The following CNBD2 variants were observed in gnomAD, a reference collection of about 807,000 sequenced individuals.
CNBD2 encodes cyclic nucleotide binding domain containing 2.
Under a neutral mutation model 63.7 loss-of-function variants are expected in CNBD2, and 64 were observed. That is an observed-to-expected ratio of 1.00 (90% confidence interval 0.82 to 1.24). The LOEUF (loss-of-function observed/expected upper bound fraction) is 1.24. Among genes scored for constraint, CNBD2 ranks in the 50% most tolerant of loss-of-function variants. CNBD2 has a pLI of 0.00. For synonymous variants in CNBD2, 229 were observed against 255.4 expected (o/e 0.90, Z 0.99); for missense variants, 691 against 713.5 (o/e 0.97, Z 0.36).
At chr20:36,019,336 G>C in intron 10 of CNBD2, among the ~76,000 whole-genome samples, 1 of 151,744 alleles carries the variant, frequency 6.6e-6, no homozygotes, top group African/African-American at 2.4e-5. Flanking sequence ...ACCAGCCTGG[G>C]CAACATGATG....
chr20:36,015,156 A>G (rs374650943), intron 10 of CNBD2, among the ~76,000 whole-genome samples: 1 of 152,042 alleles, frequency 6.6e-6, no homozygotes, highest in Non-Finnish European at 1.5e-5. Context: ...GGTCATTTGT[A>G]TGTCTTCCTT....
chr20:36,013,171 C>A (rs887763783), intron 10 of CNBD2, among the ~76,000 whole-genome samples: 2 of 152,138 alleles, frequency 1.3e-5, no homozygotes, highest in African/African-American at 4.8e-5. Flanking sequence ...GTAATCCCAG[C>A]ACTTTGGGAG....
chr20:36,024,975 TAGC>T (rs1396055246), intron 11 of CNBD2, among the ~76,000 whole-genome samples: 1 of 152,160 alleles, frequency 6.6e-6, no homozygotes, highest in Non-Finnish European at 1.5e-5. Flanking sequence ...AAGATGTTCA[TAGC>T]AGCCATATTC....
At chr20:35,978,511 AT>A (rs577928156) in intron 3 of CNBD2, among the ~76,000 whole-genome samples, 1 of 151,954 alleles carries the variant, frequency 6.6e-6, no homozygotes, top group Non-Finnish European at 1.5e-5. Context: ...CGCCCTGCTA[AT>A]TTTTTGTATT....
At chr20:36,001,680 C>T (rs1192656446) in intron 8 of CNBD2, among the ~76,000 whole-genome samples, 17 of 139,746 alleles carry the variant, frequency 1.2e-4, no homozygotes, top group African/African-American at 2.7e-4. Flanking sequence ...ACTTCTCAGA[C>T]GGGGCGGCCG....
chr20:35,997,951 C>T lies in CNBD2; in HGVS notation c.970+2799C>T, dbSNP rs137956087. 4.1e-3 allele frequency among the ~76,000 whole-genome samples: 618 copies of T among 152,102 alleles called. 8 individuals are homozygous for T. The highest frequency in any genetic ancestry group is 0.014 in the African/African-American group (594 of 41,470). Reference sequence around the variant, plus strand: ...ATTTCTCTTTTGATTTCTTCTTTGACCCATGGAATATTTAGAAGAGTGTTT... The same window carrying T: ...ATTTCTCTTTTGATTTCTTCTTTGATCCATGGAATATTTAGAAGAGTGTTT... On this transcript the variant is annotated intron_variant, in intron 8 of 11. Coordinates refer to ENST00000373973, the MANE Select transcript of CNBD2 (RefSeq NM_001365709.1).
chr20:35,980,649 A>G (rs2056585756), intron 4 of CNBD2, 27 bp downstream of exon 4: 2 of 1,610,374 alleles, frequency 1.2e-6, no homozygotes, highest in Non-Finnish European at 1.7e-6. Flanking sequence ...GCCCTTGGCC[A>G]CCAGGCTGAG....
chr20:35,995,218 A>G (rs551221898), intron 8 of CNBD2, 66 bp downstream of exon 8: 2 of 1,063,970 alleles, frequency 1.9e-6, no homozygotes, highest in East Asian at 2.4e-5. Context: ...AGTTCCCAGC[A>G]CATAGAGCCT....
chr20:35,975,387 G>A (rs1214380049), intron 2 of CNBD2, among the ~76,000 whole-genome samples: 7 of 109,998 alleles, frequency 6.4e-5, no homozygotes, highest in African/African-American at 1.1e-4. Context: ...TGCAAGCTCC[G>A]CCTCCCGGGT....
chr20:36,012,913 A>T (rs981221584), intron 10 of CNBD2, among the ~76,000 whole-genome samples: 8 of 152,180 alleles, frequency 5.3e-5, no homozygotes, highest in African/African-American at 1.9e-4. Context: ...ACATTCTGGA[A>T]AAGAAAAACA....
At chr20:36,024,763 A>G (rs2057263454) in intron 11 of CNBD2, among the ~76,000 whole-genome samples, 1 of 152,088 alleles carries the variant, frequency 6.6e-6, no homozygotes, top group African/African-American at 2.4e-5. Context: ...CCCTGTCTCT[A>G]GTAAACATAG....
chr20:35,994,643 C>T (rs186268286), intron 7 of CNBD2, among the ~76,000 whole-genome samples: 179 of 148,588 alleles, frequency 1.2e-3, no homozygotes, highest in African/African-American at 4.2e-3. Context: ...AATCCCAGCA[C>T]TTTGGGAGGT....
chr20:36,009,170 C>A (rs985388266), intron 9 of CNBD2, among the ~76,000 whole-genome samples: 2 of 151,532 alleles, frequency 1.3e-5, no homozygotes, highest in African/African-American at 4.8e-5. Flanking sequence ...CACTGTACCC[C>A]AGCCTGGGCA....
At chr20:36,022,533 C>A (rs2087022012) in intron 10 of CNBD2, among the ~76,000 whole-genome samples, 2 of 151,988 alleles carry the variant, frequency 1.3e-5, no homozygotes, top group African/African-American at 4.8e-5. Context: ...TGGGGTTTCA[C>A]CATGTTGGCC....
At chr20:35,973,866 G>C (rs1421720405) in intron 2 of CNBD2, 2 of 152,152 alleles carry the variant, frequency 1.3e-5, no homozygotes, top group Non-Finnish European at 2.9e-5. Flanking sequence ...TGGGTGTGTT[G>C]CTCAGGGCTT....
At position 35,980,531 on chromosome 20, in the gene CNBD2, G is replaced by A; in HGVS notation, c.316G>A (p.Ala106Thr). The A allele has an allele frequency of 1.9e-6, 3 of 1,614,172 alleles. No individual in the cohort carries two copies. The highest frequency in any genetic ancestry group is 2.5e-6 in the Non-Finnish European group (3 of 1,180,004). ...CTGGAGAACAGAGGATGAGATCCAG[G>A]CCGTCTGTAACATCTTGCAGGTTCT... ...PSWRTEDEIQAVCNILQVLDS... is the reference protein window; with the variant it reads ...PSWRTEDEIQTVCNILQVLDS... Residue 106 changes from alanine (A) to threonine (T), a missense_variant, in exon 4 of 12, where the codon GCC becomes ACC. Ala to Thr is a moderately conservative substitution (Grantham distance 58, BLOSUM62 0). Coordinates refer to ENST00000373973, the MANE Select transcript of CNBD2 (RefSeq NM_001365709.1).
chr20:35,975,641 CTTGT>C (rs1051973519), intron 2 of CNBD2, among the ~76,000 whole-genome samples: 10 of 150,932 alleles, frequency 6.6e-5, no homozygotes, highest in East Asian at 3.9e-4. Flanking sequence ...CTCCTCTATG[CTTGT>C]TTGTTTGCTG....
chr20:35,973,911 G>GACAAAT (rs1364666477), intron 2 of CNBD2: 2 of 152,056 alleles, frequency 1.3e-5, no homozygotes, highest in African/African-American at 4.8e-5. Flanking sequence ...GACAAATCCT[G>GACAAAT]CCCATTTTTC....
chr20:35,964,891 CAG>C (rs1249490334), upstream of CNBD2, among the ~76,000 whole-genome samples: 1 of 151,398 alleles, frequency 6.6e-6, no homozygotes, highest in African/African-American at 2.4e-5. Context: ...TTAGTAGAGA[CAG>C]GGTTTCATCA....
Sources: allele counts gnomAD v4.1 joint callset (sites outside exome capture counted in the v4.1 genomes callset), GRCh38; gene constraint gnomAD v4.1.1; transcripts MANE v1.5; gene names NCBI Gene and HGNC (gene_info 2026-07-23, HGNC 2026-07-21).